Variants in CNST observed in about 807,000 individuals in gnomAD.
CNST encodes consortin.
A neutral mutation model predicts 72.4 loss-of-function variants in CNST; 39 were observed. That is an observed-to-expected ratio of 0.54 (90% CI 0.42 to 0.70). CNST has a LOEUF of 0.70. CNST is among the 30% of genes least tolerant of loss of function. The pLI, the probability that CNST is intolerant of heterozygous loss-of-function variation, is 0.00. For synonymous variants in CNST, 332 were observed against 320.1 expected (o/e 1.04, Z -0.40); for missense variants, 871 against 868.5 (o/e 1.00, Z -0.04).
Position 246,647,366 on chromosome 1 carries a change from T to C in CNST, c.1165T>C (p.Ser389Pro), listed in dbSNP as rs771011299. 3 of 1,613,818 alleles carry C rather than the reference T, an allele frequency of 1.9e-6. No individual in the cohort carries two copies. The highest frequency in any genetic ancestry group is 2.2e-5 in the East Asian group (1 of 44,836). ...ETAGSPSGPD[S>P]SEDACEDDSR... ...AGCAGGGAGCCCGTCTGGGCCAGAC[T>C]CTTCTGAGGATGCTTGTGAGGATGA... Residue 389 changes from serine (S) to proline (P), a missense_variant, in exon 9 of 11, where the codon TCT becomes CCT. By Grantham distance (74) the Ser-to-Pro change is moderately conservative. Coordinates refer to ENST00000366513, the MANE Select transcript of CNST (RefSeq NM_152609.3).
intron 3 of CNST, among the ~76,000 whole-genome samples, chr1:246,627,735 G>A (rs1664528458): frequency 6.6e-6 from 1 of 152,076 alleles, no homozygotes; most frequent in Non-Finnish European, 1.5e-5. Flanking sequence ...ACTAAAAGAA[G>A]ACATAATTCA....
At chr1:246,593,769 T>G (rs1661700576) in intron 2 of CNST, among the ~76,000 whole-genome samples, 1 of 152,132 alleles carries the variant, frequency 6.6e-6, no homozygotes, top group African/African-American at 2.4e-5. Context: ...TTTGTGATTT[T>G]ATTTTATTTT....
intron 9 of CNST, among the ~76,000 whole-genome samples, chr1:246,655,365 G>A (rs987157715): frequency 1.3e-5 from 2 of 152,148 alleles, no homozygotes; most frequent in African/African-American, 2.4e-5. Context: ...GGTGACCGCC[G>A]TGTTCTTTCT....
chr1:246,593,502 A>G (rs979552943), intron 2 of CNST, among the ~76,000 whole-genome samples: 2 of 151,870 alleles, frequency 1.3e-5, no homozygotes, highest in Admixed American at 6.6e-5. Context: ...CACCATGCCC[A>G]GCTAATTTTT....
intron 9 of CNST, among the ~76,000 whole-genome samples, chr1:246,655,388 C>T (rs1240685646): frequency 6.6e-6 from 1 of 152,178 alleles, no homozygotes; most frequent in East Asian, 1.9e-4. Flanking sequence ...AAAATGGCTG[C>T]TGCTTACAGC....
intron 2 of CNST, among the ~76,000 whole-genome samples, chr1:246,613,737 A>G (rs138340906): frequency 0.049 from 1,372 of 28,170 alleles, 12 homozygotes; most frequent in Middle Eastern, 0.097. Flanking sequence ...TTTGTCTTCC[A>G]GGCTGGAGTG....
At chr1:246,615,620 T>C (rs1263090172) in intron 2 of CNST, among the ~76,000 whole-genome samples, 1 of 150,406 alleles carries the variant, frequency 6.6e-6, no homozygotes, top group Non-Finnish European at 1.5e-5. Flanking sequence ...GGCTCACGCC[T>C]GTAATCCCAG....
At chr1:246,600,035 G>T (rs1425805985) in intron 2 of CNST, among the ~76,000 whole-genome samples, 1 of 152,218 alleles carries the variant, frequency 6.6e-6, no homozygotes, top group East Asian at 1.9e-4. Flanking sequence ...GTTAGAGAAG[G>T]TTGTCAGGAG....
In CNST at chr1:246,666,137, G is replaced by A. The variant is rs1166480390; in HGVS notation, c.*232G>A. 4.0e-6 allele frequency: 2 copies of A among 500,082 alleles called. No individual in the cohort carries two copies. The highest frequency in any genetic ancestry group is 1.9e-5 in the African/African-American group (1 of 52,066). The allele number at this position is 500,082 out of a possible 1,614,324, so 31.0% of individuals were successfully genotyped here. On this transcript the variant is annotated 3_prime_UTR_variant, in exon 11 of 11. Coordinates refer to ENST00000366513, the MANE Select transcript of CNST (RefSeq NM_152609.3). ...ATGGAAGGAATGGTCTTTGGAGAGA[G>A]CATATCCATCTCCTCCTCACTGCCT...
intron 9 of CNST, among the ~76,000 whole-genome samples, chr1:246,653,213 C>A (rs182014700): frequency 6.6e-6 from 1 of 152,284 alleles, no homozygotes; most frequent in Non-Finnish European, 1.5e-5. Context: ...GAGAAGCTAT[C>A]TAATCGAAGC....
At chr1:246,605,356 G>A (rs1229829419) in intron 2 of CNST, among the ~76,000 whole-genome samples, 3 of 152,192 alleles carry the variant, frequency 2.0e-5, no homozygotes, top group Admixed American at 6.5e-5. Context: ...CAAGGGAGTC[G>A]CTTGAGTCCA....
In CNST at chr1:246,585,656, A is replaced by AT. The variant is rs1238928636; in HGVS notation, c.-51-5856_-51-5855insT. On this transcript the variant is annotated intron_variant, in intron 1 of 10. Coordinates refer to ENST00000366513, the MANE Select transcript of CNST (RefSeq NM_152609.3). ...GACTCTGTCTCAAAAAAAAAAAAAAAAAAAAAATATACACACACACACACA... is the reference window on the plus strand; with the variant it reads ...GACTCTGTCTCAAAAAAAAAAAAAAATAAAAAAATATACACACACACACACA... 1.9e-3 allele frequency among the ~76,000 whole-genome samples: 164 copies of AT among 85,550 alleles called. 7 individuals carry two copies. Among genetic ancestry groups the AT allele is most frequent in the African/African-American group, 9.4e-3 (155 of 16,464 alleles). 56.1% of individuals were successfully genotyped at this position (85,550 alleles called of 152,430 possible). A position where few individuals can be genotyped will look rare whatever the true frequency, so the allele number is the denominator to read the frequency against.
In CNST at chr1:246,657,277, T is replaced by C. The variant is rs561556396; in HGVS notation, c.1837-2922T>C. ...GAGTGCCTCCTTGGCCTGCATCTCT[T>C]ATGCATAAGCTTGGCCCACCGTCCC... is the stretch of plus-strand genomic sequence containing the variant. On this transcript the variant is annotated intron_variant, in intron 9 of 10. Coordinates refer to ENST00000366513, the MANE Select transcript of CNST (RefSeq NM_152609.3). Among the ~76,000 whole-genome samples the C allele has an allele frequency of 2.6e-5, 4 of 152,300 alleles. 1 individual carries two copies. Among genetic ancestry groups the C allele is most frequent in the African/African-American group, 9.6e-5 (4 of 41,558 alleles).
chr1:246,626,451 CTTTTTTTTTTT>C (rs74163468), intron 3 of CNST, among the ~76,000 whole-genome samples: 2 of 79,958 alleles, frequency 2.5e-5, no homozygotes, highest in African/African-American at 9.6e-5. Flanking sequence ...TAGGTTTGTC[CTTTTTTTTTTT>C]TTTTTTTTTT....
At chr1:246,601,628 C>T (rs972425529) in intron 2 of CNST, among the ~76,000 whole-genome samples, 1 of 151,690 alleles carries the variant, frequency 6.6e-6, no homozygotes, top group Middle Eastern at 3.2e-3. Context: ...AACCCCATCT[C>T]TACTAAAAAT....
At chr1:246,615,629 A>G (rs1432598951) in intron 2 of CNST, among the ~76,000 whole-genome samples, 1 of 151,142 alleles carries the variant, frequency 6.6e-6, no homozygotes, top group Non-Finnish European at 1.5e-5. Flanking sequence ...CTGTAATCCC[A>G]GCACTTTGGG....
intron 6 of CNST, among the ~76,000 whole-genome samples, chr1:246,635,664 G>A (rs538884384): frequency 1.2e-3 from 182 of 152,000 alleles, no homozygotes; most frequent in African/African-American, 4.1e-3. Flanking sequence ...TTGTTGTCAC[G>A]CGAGCATTTC....
chr1:246,621,294 A>G (rs1664071450), intron 2 of CNST, 135 bp from the exon 3 acceptor site: 1 of 695,754 alleles, frequency 1.4e-6, no homozygotes. Context: ...TTCATATGAT[A>G]AACACATTTA....
At chr1:246,629,018 T>TA (rs1664615262) in intron 3 of CNST, among the ~76,000 whole-genome samples, 1 of 152,314 alleles carries the variant, frequency 6.6e-6, no homozygotes, top group East Asian at 1.9e-4. Flanking sequence ...CTGTTTTTTT[T>TA]ATTTGTATTT....
Sources: allele counts gnomAD v4.1 joint callset (sites outside exome capture counted in the v4.1 genomes callset), GRCh38; gene constraint gnomAD v4.1.1; transcripts MANE v1.5; gene names NCBI Gene and HGNC (gene_info 2026-07-23, HGNC 2026-07-21).